Variants in SCHIP1 observed in about 807,000 individuals in gnomAD.
SCHIP1 encodes the protein schwannomin interacting protein 1.
In SCHIP1, 8 loss-of-function variants were observed where a neutral mutation model predicts 29.7. The ratio of observed to expected loss-of-function variants is 0.27; its 90% CI spans 0.16 to 0.49. The LOEUF is 0.49. Ranked by LOEUF, SCHIP1 falls within the 20% of genes least tolerant of loss-of-function variation. The pLI, the probability that SCHIP1 is intolerant of heterozygous loss-of-function variation, is 0.99. For synonymous variants in SCHIP1, 76 were observed against 94.9 expected, an observed-to-expected ratio of 0.80 and a Z score of 1.16; for missense variants, 193 against 294.6, an observed-to-expected ratio of 0.66 and a Z score of 2.52.
chr3:159,407,927 A>T, the SCHIP1 span, among the ~76,000 whole-genome samples: 1 of 152,218 alleles, frequency 6.6e-6, no homozygotes, highest in African/African-American at 2.4e-5. Flanking sequence ...ACATCAAAGA[A>T]GAAGAAAAAC....
the SCHIP1 span, among the ~76,000 whole-genome samples, chr3:159,591,928 A>G: frequency 6.6e-6 from 1 of 151,944 alleles, no homozygotes; most frequent in Non-Finnish European, 1.5e-5. Context: ...CCGAACTTAA[A>G]ATAAAAAAAA....
chr3:159,286,812 C>T, the SCHIP1 span, among the ~76,000 whole-genome samples: 1 of 152,278 alleles, frequency 6.6e-6, no homozygotes. Flanking sequence ...ATTTACATTG[C>T]TCTAATGATT....
the SCHIP1 span, among the ~76,000 whole-genome samples, chr3:159,582,779 T>TGTAC: frequency 1.0e-5 from 1 of 98,330 alleles, no homozygotes; most frequent in African/African-American, 3.2e-5. Flanking sequence ...GCAACTGAAA[T>TGTAC]ATATATATAC....
the SCHIP1 span, among the ~76,000 whole-genome samples, chr3:159,672,406 G>A: frequency 0.065 from 9,883 of 152,204 alleles, 1,025 homozygotes; most frequent in African/African-American, 0.22. Flanking sequence ...TCTTCACATG[G>A]GTGCTGCTAT....
At chr3:159,497,771 T>C in the SCHIP1 span, among the ~76,000 whole-genome samples, 14 of 152,106 alleles carry the variant, frequency 9.2e-5, no homozygotes, top group Middle Eastern at 3.4e-3. Flanking sequence ...TAAAATTGAG[T>C]ACTGCAGAAA....
At chr3:159,448,344 G>A in the SCHIP1 span, among the ~76,000 whole-genome samples, 14 of 152,186 alleles carry the variant, frequency 9.2e-5, no homozygotes, top group African/African-American at 2.4e-4. Context: ...GGTGGTGCAC[G>A]CCTGTAATCC....
the SCHIP1 span, among the ~76,000 whole-genome samples, chr3:159,292,009 A>C: frequency 1.3e-5 from 2 of 152,186 alleles, no homozygotes; most frequent in African/African-American, 4.8e-5. Context: ...AGACAATTAG[A>C]AAAAGTTTAG....
intron 2 of SCHIP1, among the ~76,000 whole-genome samples, chr3:159,882,712 T>C (rs1362572816): frequency 3.3e-5 from 5 of 152,240 alleles, no homozygotes; most frequent in African/African-American, 1.2e-4. Flanking sequence ...ATTCTATTCA[T>C]ACTTAAAAAC....
chr3:159,713,262 AAG>A, the SCHIP1 span, among the ~76,000 whole-genome samples: 2 of 151,440 alleles, frequency 1.3e-5, no homozygotes, highest in African/African-American at 4.8e-5. Context: ...GAAAGAAAGA[AAG>A]AAAGAAAGAA....
chr3:159,785,499 T>C, the SCHIP1 span, among the ~76,000 whole-genome samples: 1 of 152,126 alleles, frequency 6.6e-6, no homozygotes, highest in Non-Finnish European at 1.5e-5. Context: ...TTGACAGCCA[T>C]TGGCCTCACC....
At chr3:159,568,904 A>G in the SCHIP1 span, among the ~76,000 whole-genome samples, 5 of 152,220 alleles carry the variant, frequency 3.3e-5, no homozygotes, top group African/African-American at 1.2e-4. Context: ...TTAGACATAT[A>G]CAAGTTAGAA....
the SCHIP1 span, among the ~76,000 whole-genome samples, chr3:159,298,226 T>G: frequency 2.6e-5 from 4 of 152,196 alleles, no homozygotes; most frequent in Non-Finnish European, 5.9e-5. Flanking sequence ...TTTGGAATAT[T>G]TTTCTTCCCC....
the SCHIP1 span, among the ~76,000 whole-genome samples, chr3:159,340,341 T>G: frequency 6.6e-6 from 1 of 151,932 alleles, no homozygotes; most frequent in East Asian, 1.9e-4. Context: ...ATGATGCAAT[T>G]CCAATAAAAA....
chr3:159,750,017 T>C, the SCHIP1 span, among the ~76,000 whole-genome samples: 8 of 152,020 alleles, frequency 5.3e-5, no homozygotes, highest in Admixed American at 5.2e-4. Context: ...TATAGTAATA[T>C]CAGTTGAAAA....
chr3:159,452,609 A>G, the SCHIP1 span, among the ~76,000 whole-genome samples: 1 of 152,174 alleles, frequency 6.6e-6, no homozygotes, highest in South Asian at 2.1e-4. Context: ...TGCAATAAAT[A>G]TACGTGTGCA....
At chr3:159,779,878 C>T in the SCHIP1 span, among the ~76,000 whole-genome samples, 18 of 152,144 alleles carry the variant, frequency 1.2e-4, no homozygotes, top group South Asian at 3.7e-3. Flanking sequence ...GCTCCTTCAA[C>T]TTAGATATTC....
chr3:159,728,378 G>A, the SCHIP1 span, among the ~76,000 whole-genome samples: 1 of 152,182 alleles, frequency 6.6e-6, no homozygotes, highest in African/African-American at 2.4e-5. Flanking sequence ...TGGAGAATGA[G>A]GCAGGCAACC....
the SCHIP1 span, chr3:159,275,304 C>A: frequency 6.4e-6 from 1 of 155,330 alleles, no homozygotes; most frequent in Non-Finnish European, 1.4e-5. Context: ...ACTTTTCACA[C>A]ACCATTGCAT....
chr3:159,857,787 A>G (rs896711542), intron 1 of SCHIP1, among the ~76,000 whole-genome samples: 3 of 152,084 alleles, frequency 2.0e-5, no homozygotes, highest in South Asian at 2.1e-4. Context: ...TGCGCCAAGC[A>G]CTTTCTATAT....
Sources: allele counts gnomAD v4.1 joint callset (sites outside exome capture counted in the v4.1 genomes callset), GRCh38; gene constraint gnomAD v4.1.1; transcripts MANE v1.5; gene names NCBI Gene and HGNC (gene_info 2026-07-23, HGNC 2026-07-21).